SRBD1: variants seen among roughly 807,000 people sequenced by gnomAD.
The protein encoded by SRBD1 is S1 RNA-binding domain-containing protein 1.
SRBD1 carries 88 observed loss-of-function variants against 115.3 expected under a neutral mutation model. The ratio of observed to expected loss-of-function variants is 0.76; its 90% confidence interval spans 0.64 to 0.91. The LOEUF is 0.91. SRBD1 is among the 40% of genes least tolerant of loss of function. The pLI is 0.00. For missense variants in SRBD1, 1,385 were observed against 1,177.4 expected (o/e 1.18, Z -2.58); for synonymous variants, 509 against 407.7 (o/e 1.25, Z -2.99).
intron 16 of SRBD1, among the ~76,000 whole-genome samples, chr2:45,462,038 C>G (rs1669332159): frequency 6.6e-6 from 1 of 151,702 alleles, no homozygotes; most frequent in Non-Finnish European, 1.5e-5. Flanking sequence ...AAAAATTGTA[C>G]AAAAACATTA....
At chr2:45,563,586 A>T (rs1308210484) in intron 9 of SRBD1, among the ~76,000 whole-genome samples, 1 of 152,058 alleles carries the variant, frequency 6.6e-6, no homozygotes, top group East Asian at 1.9e-4. Context: ...ACAACAGGAA[A>T]CACTCAAACA....
intron 14 of SRBD1, among the ~76,000 whole-genome samples, chr2:45,517,179 TA>T (rs1671145697): frequency 6.6e-6 from 1 of 152,200 alleles, no homozygotes; most frequent in Non-Finnish European, 1.5e-5. Flanking sequence ...TTAAACAGTT[TA>T]AAATTCAGTT....
rs1006023189 is a variant in SRBD1, at chr2:45,501,816, C to T, written c.1875-13485G>A. Among the ~76,000 whole-genome samples, 47 of 152,150 alleles carry T rather than the reference C, an allele frequency of 3.1e-4. 1 individual carries two copies. Among genetic ancestry groups the T allele is most frequent in the Non-Finnish European group, 4.3e-4 (29 of 68,006 alleles). On this transcript the variant is annotated intron_variant, in intron 14 of 20. Coordinates refer to ENST00000263736, the MANE Select transcript of SRBD1 (RefSeq NM_018079.5). ...GAAGCTCGAACTGGGTGGAGTCCAC[C>T]GCAGCTCAAGGAGGCCTGCCTGCCT...
intron 14 of SRBD1, among the ~76,000 whole-genome samples, chr2:45,533,704 T>C (rs1374054675): frequency 2.6e-5 from 4 of 152,026 alleles, no homozygotes; most frequent in Non-Finnish European, 5.9e-5. Context: ...CCTCCACTTC[T>C]AAAGGTTATC....
At chr2:45,408,426 G>A (rs946731963) in intron 19 of SRBD1, among the ~76,000 whole-genome samples, 1 of 152,192 alleles carries the variant, frequency 6.6e-6, no homozygotes, top group African/African-American at 2.4e-5. Flanking sequence ...GAGTTGGACT[G>A]CAACAGAAGA....
chr2:45,518,964 T>TAA (rs11362482), intron 14 of SRBD1, among the ~76,000 whole-genome samples: 58 of 111,164 alleles, frequency 5.2e-4, no homozygotes, highest in Non-Finnish European at 7.5e-4. Context: ...CGAATAAGGC[T>TAA]AAAAAAAAAA....
chr2:45,455,055 C>T (rs1457230756), intron 16 of SRBD1, among the ~76,000 whole-genome samples: 2 of 151,864 alleles, frequency 1.3e-5, no homozygotes, highest in Non-Finnish European at 2.9e-5. Flanking sequence ...ACACCCACCA[C>T]ACACACAATT....
In SRBD1 at chr2:45,535,298, T is replaced by A. The variant is rs373933996; in HGVS notation, c.1874+11434A>T. Among the ~76,000 whole-genome samples, 248 of 151,558 alleles carry A rather than the reference T, an allele frequency of 1.6e-3. 1 individual carries two copies. Among genetic ancestry groups the A allele is most frequent in the South Asian group, 8.1e-3 (39 of 4,828 alleles). On this transcript the variant is annotated intron_variant, in intron 14 of 20. Transcript: ENST00000263736. ...AATAGCTGTGCTGAGGTCCAGATGTTTCTACCAGTCTAATTTTCCTAACAG... is the reference window on the plus strand; with the variant it reads ...AATAGCTGTGCTGAGGTCCAGATGTATCTACCAGTCTAATTTTCCTAACAG...
chr2:45,487,571 G>A (rs1350063406), intron 15 of SRBD1, among the ~76,000 whole-genome samples: 2 of 152,022 alleles, frequency 1.3e-5, no homozygotes, highest in African/African-American at 2.4e-5. Flanking sequence ...TTATGTTACT[G>A]TATTACTTTT....
At chr2:45,519,228 C>T (rs906361833) in intron 14 of SRBD1, among the ~76,000 whole-genome samples, 1 of 152,108 alleles carries the variant, frequency 6.6e-6, no homozygotes, top group Non-Finnish European at 1.5e-5. Flanking sequence ...TTCAGTTATT[C>T]CCAGAAAAGA....
intron 19 of SRBD1, among the ~76,000 whole-genome samples, chr2:45,410,169 G>T (rs1036509695): frequency 2.6e-5 from 4 of 152,162 alleles, no homozygotes; most frequent in African/African-American, 9.7e-5. Context: ...AGTGTTGCCA[G>T]GGAAATGCAA....
intron 9 of SRBD1, among the ~76,000 whole-genome samples, chr2:45,570,963 G>A (rs746608661): frequency 6.6e-6 from 1 of 152,062 alleles, no homozygotes; most frequent in Non-Finnish European, 1.5e-5. Context: ...GATAATACAG[G>A]AGCAACTAAC....
rs986693164 is a variant in SRBD1, at chr2:45,428,555, A to AAAAT, written c.2050-8665_2050-8662dup. 1.3e-3 allele frequency among the ~76,000 whole-genome samples: 202 copies of AAAAT among 150,480 alleles called. 3 individuals are homozygous for AAAAT. Among genetic ancestry groups the AAAAT allele is most frequent in the African/African-American group, 2.9e-3 (118 of 40,308 alleles). The stretch of plus-strand genomic sequence containing the variant: ...CGACAGAACGAGACTCCGTCTCAAA[A>AAAAT]AAATAAATAAATAAATAAATAAATA... On this transcript the variant is annotated intron_variant, in intron 16 of 20. Coordinates refer to ENST00000263736, the MANE Select transcript of SRBD1 (RefSeq NM_018079.5).
At chr2:45,440,921 A>AG (rs1030965198) in intron 16 of SRBD1, among the ~76,000 whole-genome samples, 1 of 152,198 alleles carries the variant, frequency 6.6e-6, no homozygotes, top group Non-Finnish European at 1.5e-5. Flanking sequence ...CAGAGGTTGG[A>AG]GAAAAAAAGA....
chr2:45,584,982 C>T (rs746247355), intron 5 of SRBD1, among the ~76,000 whole-genome samples: 16 of 152,084 alleles, frequency 1.1e-4, no homozygotes, highest in Non-Finnish European at 1.8e-4. Context: ...AAAACCCTGT[C>T]TCTACTAAAA....
At chr2:45,409,515 CAAAA>C (rs59849294) in intron 19 of SRBD1, among the ~76,000 whole-genome samples, 2 of 117,916 alleles carry the variant, frequency 1.7e-5, no homozygotes, top group Non-Finnish European at 3.5e-5. Context: ...TTGCAATAGG[CAAAA>C]AAAAAAAAAA....
intron 14 of SRBD1, among the ~76,000 whole-genome samples, chr2:45,518,636 C>G (rs1196065438): frequency 6.6e-6 from 1 of 152,116 alleles, no homozygotes; most frequent in African/African-American, 2.4e-5. Flanking sequence ...TGTTTGGTGC[C>G]TTTGTAAGAA....
Position 45,585,526 on chromosome 2 carries a change from A to T in SRBD1, c.815+82T>A, listed in dbSNP as rs978326536. 15 of 1,435,716 alleles carry T rather than the reference A, an allele frequency of 1.0e-5. 1 individual carries two copies. In the African/African-American group the frequency reaches 2.2e-4, roughly 21 times the overall value. 88.9% of individuals were successfully genotyped at this position (1,435,716 alleles called of 1,614,324 possible). Reference sequence around the variant, plus strand: ...AGGAAACAAAATGTTGAAATTGTCAAATATACCGTCATTCACTTTCTCACT... The same window carrying T: ...AGGAAACAAAATGTTGAAATTGTCATATATACCGTCATTCACTTTCTCACT... On this transcript the variant is annotated intron_variant, in intron 5 of 20. Transcript: ENST00000263736.
At chr2:45,396,571 G>C (rs930060496) in intron 19 of SRBD1, among the ~76,000 whole-genome samples, 2 of 152,134 alleles carry the variant, frequency 1.3e-5, no homozygotes, top group Non-Finnish European at 2.9e-5. Context: ...GCACACATCT[G>C]CACAAAGTTA....
Sources: gnomAD v4.1 joint callset for allele counts (sites outside exome capture counted in the v4.1 genomes callset) on GRCh38, gnomAD v4.1.1 for gene constraint, MANE v1.5 for transcripts, NCBI Gene and HGNC (gene_info 2026-07-23, HGNC 2026-07-21) for gene names.